The following PROX1 variants were observed in gnomAD, a reference collection of about 807,000 sequenced individuals.
The protein encoded by PROX1 is prospero homeobox protein 1.
PROX1 carries 7 observed loss-of-function variants against 58.8 expected under a neutral mutation model. The observed-to-expected ratio is 0.12, with a 90% CI of 0.07 to 0.22. PROX1 has a LOEUF of 0.22. Among genes scored for constraint, PROX1 ranks in the 10% least tolerant of loss-of-function variants. The pLI, the probability that PROX1 is intolerant of heterozygous loss-of-function variation, is 1.00. For missense variants in PROX1, 675 were observed against 927.8 expected, an observed-to-expected ratio of 0.73 and a Z score of 3.54; for synonymous variants, 350 against 358.3, an observed-to-expected ratio of 0.98 and a Z score of 0.26.
chr1:213,991,184 T>A (rs1054600263), intron 1 of PROX1, among the ~76,000 whole-genome samples: 8 of 152,198 alleles, frequency 5.3e-5, no homozygotes, highest in African/African-American at 9.7e-5. Flanking sequence ...TGTGGCTTGA[T>A]GTGTGAGGAA....
chr1:214,019,119 G>A (rs1279840063), intron 4 of PROX1, among the ~76,000 whole-genome samples: 2 of 152,164 alleles, frequency 1.3e-5, no homozygotes, highest in Non-Finnish European at 2.9e-5. Flanking sequence ...AAGAGCCACT[G>A]GCAGGTGACA....
At chr1:214,006,819 C>T (rs1340151564) in intron 3 of PROX1, among the ~76,000 whole-genome samples, 5 of 152,016 alleles carry the variant, frequency 3.3e-5, no homozygotes, top group Non-Finnish European at 7.4e-5. Context: ...GTTACTCATT[C>T]CTTTTAGGGC....
intron 4 of PROX1, among the ~76,000 whole-genome samples, chr1:214,032,357 CTT>C (rs1664685568): frequency 6.6e-6 from 1 of 151,988 alleles, no homozygotes; most frequent in Admixed American, 6.6e-5. Flanking sequence ...TATTCGAACT[CTT>C]TGAATTCTAC....
rs1218255413 is a variant in PROX1, at chr1:214,037,437, A to G, written c.*1603A>G. On this transcript the variant is annotated 3_prime_UTR_variant, in exon 5 of 5. Transcript: ENST00000366958. ...AGAATTACATTTGACTTTGGAGAAT[A>G]CAGGTCTTGACCCATGTGACTGACT... The G allele has an allele frequency of 6.6e-6, 1 of 152,238 alleles. No individual in the cohort carries two copies. The highest frequency in any genetic ancestry group is 2.4e-5 in the African/African-American group (1 of 41,458). 9.4% of individuals were successfully genotyped at this position (152,238 alleles called of 1,614,324 possible). A position where few individuals can be genotyped will look rare whatever the true frequency, so the allele number is the denominator to read the frequency against.
chr1:214,008,326 A>G (rs767245873), intron 3 of PROX1, among the ~76,000 whole-genome samples: 18 of 152,212 alleles, frequency 1.2e-4, no homozygotes, highest in South Asian at 8.3e-4. Context: ...AAGTGCTGGG[A>G]TTACAGGCAT....
At chr1:213,999,062 G>A (rs1320887441) in intron 2 of PROX1, among the ~76,000 whole-genome samples, 1 of 152,180 alleles carries the variant, frequency 6.6e-6, no homozygotes, top group Non-Finnish European at 1.5e-5. Flanking sequence ...AAGCGAGAGA[G>A]CACAATTAAA....
chr1:214,023,046 C>T (rs1040736722), intron 4 of PROX1, among the ~76,000 whole-genome samples: 9 of 152,216 alleles, frequency 5.9e-5, no homozygotes, highest in Non-Finnish European at 1.0e-4. Flanking sequence ...TGAATCTCAA[C>T]AGTGCCCTTG....
chr1:214,000,636 C>T (rs1345245809), intron 2 of PROX1, among the ~76,000 whole-genome samples: 7 of 152,170 alleles, frequency 4.6e-5, no homozygotes, highest in Non-Finnish European at 8.8e-5. Context: ...CCCCCCTCTA[C>T]TATTAATACA....
At chr1:214,002,049 CT>C (rs1663534625) in intron 2 of PROX1, among the ~76,000 whole-genome samples, 1 of 152,094 alleles carries the variant, frequency 6.6e-6, no homozygotes, top group Non-Finnish European at 1.5e-5. Context: ...AACTAAAATT[CT>C]TTAGGTTTCA....
At chr1:214,020,760 G>A (rs141309211) in intron 4 of PROX1, among the ~76,000 whole-genome samples, 13 of 152,270 alleles carry the variant, frequency 8.5e-5, no homozygotes, top group Non-Finnish European at 1.8e-4. Flanking sequence ...TGATTTAAAT[G>A]TCTCCATCTT....
chr1:214,035,264 T>C (rs1011090573), intron 4 of PROX1, among the ~76,000 whole-genome samples: 1 of 152,078 alleles, frequency 6.6e-6, no homozygotes, highest in African/African-American at 2.4e-5. Context: ...GTTTTCATCA[T>C]GGCAATCAAA....
chr1:213,999,544 T>C (rs1308339206), intron 2 of PROX1, among the ~76,000 whole-genome samples: 2 of 152,192 alleles, frequency 1.3e-5, no homozygotes, highest in East Asian at 1.9e-4. Flanking sequence ...AGGATAATAG[T>C]GTAGATTTCT....
At chr1:214,027,705 C>T (rs1033871546) in intron 4 of PROX1, among the ~76,000 whole-genome samples, 1 of 151,994 alleles carries the variant, frequency 6.6e-6, no homozygotes, top group East Asian at 1.9e-4. Context: ...TTTATCTAGC[C>T]GAGAAAACGA....
Position 213,996,928 on chromosome 1 carries a change from C to T in PROX1, c.393C>T (p.Asn131=), listed in dbSNP as rs952588499. Residue 131 remains asparagine, a synonymous_variant, in exon 2 of 5, where the codon AAC becomes AAT. Coordinates refer to ENST00000366958, the MANE Select transcript of PROX1 (RefSeq NM_001270616.2). ...SEVHQEDICS[N]SSRDSPPECL... ...TACATCAGGAGGATATATGCAGCAA[C>T]TCTTCAAGAGACAGCCCCCCAGAGT... 6.2e-7 allele frequency: 1 copy of T among 1,613,984 alleles called. No homozygotes were observed. The highest frequency in any genetic ancestry group is 1.3e-5 in the African/African-American group (1 of 74,902).
chr1:213,991,900 G>T (rs1467628223), intron 1 of PROX1, among the ~76,000 whole-genome samples: 1 of 152,190 alleles, frequency 6.6e-6, no homozygotes, highest in South Asian at 2.1e-4. Flanking sequence ...AAAATAGATT[G>T]TGCATGATGT....
rs769458263 is a variant in PROX1 at position 214,011,586 on chromosome 1, T to C, written c.1899T>C (p.Ile633=). 1 of 1,613,934 alleles carries C rather than the reference T, an allele frequency of 6.2e-7. No individual in the cohort carries two copies. Among genetic ancestry groups the C allele is most frequent in the African/African-American group, 1.3e-5 (1 of 74,916 alleles). ...WFSNFREFYY[I]QMEKYARQAI... ...GCAATTTCCGTGAGTTTTACTACAT[T>C]CAGATGGAGAAGTACGCACGTCAAG... Residue 633 remains isoleucine, a synonymous_variant, in exon 4 of 5, where the codon ATT becomes ATC. Coordinates refer to ENST00000366958, the MANE Select transcript of PROX1 (RefSeq NM_001270616.2).
intron 2 of PROX1, among the ~76,000 whole-genome samples, chr1:214,000,674 G>A (rs974816475): frequency 6.6e-6 from 1 of 151,982 alleles, no homozygotes; most frequent in Non-Finnish European, 1.5e-5. Context: ...TATCTCATTG[G>A]TATATTATTT....
chr1:214,028,156 T>A (rs767526364), intron 4 of PROX1, among the ~76,000 whole-genome samples: 3 of 152,126 alleles, frequency 2.0e-5, no homozygotes, highest in Non-Finnish European at 4.4e-5. Context: ...CTGGAGAACC[T>A]TCCTCTGCCT....
intron 4 of PROX1, among the ~76,000 whole-genome samples, chr1:214,018,585 G>A (rs1571831068): frequency 6.6e-6 from 1 of 152,320 alleles, no homozygotes; most frequent in African/African-American, 2.4e-5. Context: ...TACTGTTCCT[G>A]TTAAATAGGG....
Sources: allele counts gnomAD v4.1 joint callset (sites outside exome capture counted in the v4.1 genomes callset), GRCh38; gene constraint gnomAD v4.1.1; transcripts MANE v1.5; gene names NCBI Gene and HGNC (gene_info 2026-07-23, HGNC 2026-07-21).